H2AZ2: variants seen among roughly 807,000 people sequenced by gnomAD.
H2AZ2 encodes the protein H2A.Z variant histone 2, also known as histone H2A.V.
In H2AZ2, 5 loss-of-function variants were observed where a neutral mutation model predicts 15.5. That is an observed-to-expected ratio of 0.32 (90% CI 0.17 to 0.68). The LOEUF is 0.68. Ranked by LOEUF, H2AZ2 falls within the 30% of genes least tolerant of loss-of-function variation. The pLI is 0.72. For missense variants in H2AZ2, 42 were observed against 162.5 expected (o/e 0.26, Z 4.03); for synonymous variants, 44 against 57.4 (o/e 0.77, Z 1.05).
rs778880928 is a variant in H2AZ2, at chr7:44,833,543, G to A, written c.*958C>T. ...AGCCACCGCGCCTGGCCGAGACGGC[G>A]TTTTACCATGTTGGCCAGGCTGGTC... is the stretch of plus-strand genomic sequence containing the variant. On this transcript the variant is annotated 3_prime_UTR_variant, in exon 5 of 5. Coordinates refer to ENST00000308153, the MANE Select transcript of H2AZ2 (RefSeq NM_012412.5). 3.4e-6 allele frequency: 1 copy of A among 296,974 alleles called. No individual in the cohort carries two copies. Among genetic ancestry groups the A allele is most frequent in the Non-Finnish European group, 5.0e-6 (1 of 200,628 alleles). The allele number at this position is 296,974 out of a possible 1,614,324, so 18.4% of individuals were successfully genotyped here. A position where few individuals can be genotyped will look rare whatever the true frequency, so the allele number is the denominator to read the frequency against.
At chr7:44,829,800 C>A (rs1227721787), downstream of H2AZ2, 1 of 198,208 alleles carries the variant, frequency 5.0e-6, no homozygotes, top group African/African-American at 2.4e-5. Context: ...CTTTCCAGTG[C>A]CTGGAGATCC....
chr7:44,836,264 A>G (rs892424745), intron 3 of H2AZ2, among the ~76,000 whole-genome samples: 9 of 152,102 alleles, frequency 5.9e-5, no homozygotes, highest in African/African-American at 1.9e-4. Flanking sequence ...CGCCCAGTCA[A>G]AGTCATATAT....
chr7:44,840,910 G>C lies in H2AZ2; in HGVS notation c.184C>G (p.Leu62Val). 1.1e-5 allele frequency: 17 copies of C among 1,610,906 alleles called. No homozygotes were observed. The highest frequency in any genetic ancestry group is 1.4e-5 in the Non-Finnish European group (17 of 1,177,136). ...AVYSAAILEYLTAEVLELAGN... is the reference protein window; with the variant it reads ...AVYSAAILEYVTAEVLELAGN... Reference sequence around the variant, plus strand: ...ATTCCTGTACAAACCTCTGCAGTGAGGTACTCCAGAATCGCAGCACTGTAC... The same window carrying C: ...ATTCCTGTACAAACCTCTGCAGTGACGTACTCCAGAATCGCAGCACTGTAC... Residue 62 changes from leucine (L) to valine (V), a missense_variant, in exon 3 of 5, where the codon CTC becomes GTC. Coordinates refer to ENST00000308153, the MANE Select transcript of H2AZ2 (RefSeq NM_012412.5).
chr7:44,841,516 A>G (rs1008972686), intron 2 of H2AZ2, among the ~76,000 whole-genome samples: 2 of 151,812 alleles, frequency 1.3e-5, no homozygotes, highest in East Asian at 3.9e-4. Context: ...GCCCTTTATT[A>G]TTTTTTTTAT....
intron 1 of H2AZ2, among the ~76,000 whole-genome samples, chr7:44,846,239 C>T (rs1793402776): frequency 6.6e-6 from 1 of 152,100 alleles, no homozygotes; most frequent in African/African-American, 2.4e-5. Flanking sequence ...GCATTTTTAG[C>T]TTATGTTAAT....
rs1251554653 is a variant in H2AZ2, at chr7:44,834,222, GAC to G, written c.*277_*278del. ...TACATCATGAACAGAACAGTTTTGA[GAC>G]AAATTAATTTTGTAAAAAATGGTTT... is the stretch of plus-strand genomic sequence containing the variant. On this transcript the variant is annotated 3_prime_UTR_variant, in exon 5 of 5. Transcript: ENST00000308153. The G allele has an allele frequency of 8.4e-7, 1 of 1,190,372 alleles. No individual in the cohort carries two copies. Among genetic ancestry groups the G allele is most frequent in the African/African-American group, 1.5e-5 (1 of 64,790 alleles). The allele number at this position is 1,190,372 out of a possible 1,614,324, so 73.7% of individuals were successfully genotyped here.
intron 4 of H2AZ2, 53 bp downstream of exon 4, chr7:44,835,476 A>G: frequency 1.3e-6 from 2 of 1,511,410 alleles, no homozygotes; most frequent in South Asian, 2.3e-5. Flanking sequence ...GATCTGAACG[A>G]TATATTAGTC....
At chr7:44,846,068 GAGAC>G (rs146159576) in intron 1 of H2AZ2, among the ~76,000 whole-genome samples, 28,090 of 132,488 alleles carry the variant, frequency 0.21, 3,217 homozygotes, top group Middle Eastern at 0.33. Context: ...CACACAGAGA[GAGAC>G]AGAGAGAGAG....
chr7:44,840,380 C>T (rs1246875104), intron 3 of H2AZ2, among the ~76,000 whole-genome samples: 1 of 152,166 alleles, frequency 6.6e-6, no homozygotes, highest in Non-Finnish European at 1.5e-5. Flanking sequence ...AATCACTGTG[C>T]CCAGCCCCTT....
downstream of H2AZ2, chr7:44,829,048 C>T (rs975768458): frequency 1.3e-5 from 2 of 152,234 alleles, no homozygotes; most frequent in African/African-American, 4.8e-5. Flanking sequence ...ATTTTAGTTA[C>T]ATCTGCAAAG....
chr7:44,836,527 C>A (rs911604133), intron 3 of H2AZ2, among the ~76,000 whole-genome samples: 3 of 151,278 alleles, frequency 2.0e-5, no homozygotes, highest in African/African-American at 7.3e-5. Flanking sequence ...AAAATAATTT[C>A]TTTTTTTTGA....
intron 3 of H2AZ2, among the ~76,000 whole-genome samples, chr7:44,839,586 G>A (rs1793222014): frequency 6.6e-6 from 1 of 151,990 alleles, no homozygotes; most frequent in African/African-American, 2.4e-5. Context: ...GGAGGCTGAG[G>A]TGGGAGAATG....
chr7:44,847,869 C>G, intron 1 of H2AZ2, 100 bp downstream of exon 1: 1 of 1,497,936 alleles, frequency 6.7e-7, no homozygotes, highest in Non-Finnish European at 8.9e-7. Context: ...AGCCCAGACA[C>G]CCGCAAACTC....
chr7:44,830,197 A>C (rs1237953973), downstream of H2AZ2: 1 of 1,608,996 alleles, frequency 6.2e-7, no homozygotes, highest in African/African-American at 1.3e-5. Context: ...TAGAGAATAA[A>C]AACAGCAGGC....
At chr7:44,843,087 C>T (rs932353212) in intron 2 of H2AZ2, among the ~76,000 whole-genome samples, 190 bp downstream of exon 2, 11 of 120,342 alleles carry the variant, frequency 9.1e-5, no homozygotes, top group Non-Finnish European at 1.8e-4. Context: ...TGCAGTGAGC[C>T]GAGATTGCAC....
At chr7:44,837,296 G>T (rs368702855) in intron 3 of H2AZ2, among the ~76,000 whole-genome samples, 1 of 150,286 alleles carries the variant, frequency 6.7e-6, no homozygotes, top group Non-Finnish European at 1.5e-5. Context: ...GGTGGCACAC[G>T]CCTGTAATCC....
At chr7:44,847,758 C>G (rs996172387) in intron 1 of H2AZ2, among the ~76,000 whole-genome samples, 3 of 152,190 alleles carry the variant, frequency 2.0e-5, no homozygotes, top group Non-Finnish European at 4.4e-5. Context: ...AGACTTCGCG[C>G]TCTACCCGGC....
chr7:44,837,433 GAAAAAAAA>G (rs71011996), intron 3 of H2AZ2, among the ~76,000 whole-genome samples: 1 of 87,270 alleles, frequency 1.1e-5, no homozygotes, highest in South Asian at 4.3e-4. Context: ...AAAAAAAAAA[GAAAAAAAA>G]AAAAAAAAAA....
At chr7:44,847,544 G>C (rs1793441612) in intron 1 of H2AZ2, among the ~76,000 whole-genome samples, 1 of 152,160 alleles carries the variant, frequency 6.6e-6, no homozygotes. Context: ...CTGACTGCCA[G>C]GGAGATTACG....
Sources: gnomAD v4.1 joint callset for allele counts (sites outside exome capture counted in the v4.1 genomes callset) on GRCh38, gnomAD v4.1.1 for gene constraint, MANE v1.5 for transcripts, NCBI Gene and HGNC (gene_info 2026-07-23, HGNC 2026-07-21) for gene names.